The following KAZN variants were observed in gnomAD, a reference collection of about 807,000 sequenced individuals.
The protein encoded by KAZN is kazrin.
Under a neutral mutation model 87.4 loss-of-function variants are expected in KAZN, and 40 were observed. The observed-to-expected ratio is 0.46, with a 90% confidence interval of 0.36 to 0.60. The LOEUF is 0.60. Among genes scored for constraint, KAZN ranks in the 20% least tolerant of loss-of-function variants. The pLI, the probability that KAZN is intolerant of heterozygous loss-of-function variation, is 0.00. For missense variants in KAZN, 898 were observed against 1,073.9 expected (o/e 0.84, Z 2.29); for synonymous variants, 466 against 458.3 (o/e 1.02, Z -0.22).
intron 2 of KAZN, among the ~76,000 whole-genome samples, chr1:14,490,426 G>T (rs1466042974): frequency 1.3e-5 from 2 of 152,136 alleles, no homozygotes; most frequent in Non-Finnish European, 2.9e-5. Context: ...GAAAGTCTTT[G>T]TATAGCCTGA....
chr1:14,839,043 G>A (rs1395425584), intron 1 of KAZN, among the ~76,000 whole-genome samples: 1 of 152,142 alleles, frequency 6.6e-6, no homozygotes, highest in Non-Finnish European at 1.5e-5. Flanking sequence ...AGAATTCCAG[G>A]CTTTAGCACA....
At chr1:14,963,394 G>A (rs1293204982) in intron 2 of KAZN, among the ~76,000 whole-genome samples, 1 of 152,284 alleles carries the variant, frequency 6.6e-6, no homozygotes, top group East Asian at 1.9e-4. Context: ...ACTTGACCAG[G>A]GTGGCAGAGC....
At chr1:14,200,068 C>A (rs1373595236) in intron 2 of KAZN, among the ~76,000 whole-genome samples, 3 of 152,056 alleles carry the variant, frequency 2.0e-5, no homozygotes, top group African/African-American at 7.2e-5. Context: ...TTCTTTGATG[C>A]ATGCATATCC....
At chr1:14,548,468 C>T (rs7543183) in intron 2 of KAZN, among the ~76,000 whole-genome samples, 1 of 152,152 alleles carries the variant, frequency 6.6e-6, no homozygotes, top group African/African-American at 2.4e-5. Context: ...AAAAGTGCTG[C>T]GATTACAGGC....
At chr1:14,653,082 G>A (rs1235363460) in intron 1 of KAZN, among the ~76,000 whole-genome samples, 1 of 152,198 alleles carries the variant, frequency 6.6e-6, no homozygotes, top group Non-Finnish European at 1.5e-5. Flanking sequence ...CAGATAAACA[G>A]GGAGATTGTG....
At chr1:14,604,037 T>C (rs925123524) in intron 1 of KAZN, among the ~76,000 whole-genome samples, 1 of 152,196 alleles carries the variant, frequency 6.6e-6, no homozygotes, top group Non-Finnish European at 1.5e-5. Flanking sequence ...CATACCTTAA[T>C]GGTTTGCCTG....
At chr1:13,996,345 C>T (rs1184550587) in intron 1 of KAZN, among the ~76,000 whole-genome samples, 1 of 152,122 alleles carries the variant, frequency 6.6e-6, no homozygotes, top group Non-Finnish European at 1.5e-5. Flanking sequence ...GGGCAACCAG[C>T]ACCATAACTG....
intron 2 of KAZN, among the ~76,000 whole-genome samples, chr1:14,370,825 C>T (rs1010073189): frequency 2.6e-5 from 4 of 152,180 alleles, no homozygotes; most frequent in East Asian, 3.9e-4. Flanking sequence ...GTTGGGACTA[C>T]GGGCATGTGC....
rs367652500 is a variant in KAZN, at chr1:14,385,102, G to A, written c.249+204510G>A. Among the ~76,000 whole-genome samples the A allele has an allele frequency of 7.6e-3, 1,159 of 151,964 alleles. 17 individuals carry two copies. Among genetic ancestry groups the A allele is most frequent in the African/African-American group, 0.025 (1,024 of 41,426 alleles). The stretch of plus-strand genomic sequence containing the variant: ...CTTCTAGATTTTCTAGTTTATTTGC[G>A]TAGAGGTGTTTGTAGTATTCTCTGA... On this transcript the variant is annotated intron_variant, in intron 2 of 16. Coordinates refer to the KAZN transcript ENST00000636203.
At chr1:14,876,319 C>T (rs781506428) in intron 1 of KAZN, among the ~76,000 whole-genome samples, 1 of 152,206 alleles carries the variant, frequency 6.6e-6, no homozygotes, top group Non-Finnish European at 1.5e-5. Flanking sequence ...CAGCCAGCAG[C>T]CAGAATGACA....
chr1:14,763,139 T>A (rs552821385), intron 1 of KAZN, among the ~76,000 whole-genome samples: 17 of 152,306 alleles, frequency 1.1e-4, no homozygotes, highest in Non-Finnish European at 2.2e-4. Flanking sequence ...AATAAAGTAG[T>A]CATGCCAGTA....
chr1:14,723,917 T>C (rs1482091485), intron 1 of KAZN, among the ~76,000 whole-genome samples: 1 of 152,178 alleles, frequency 6.6e-6, no homozygotes, highest in Non-Finnish European at 1.5e-5. Flanking sequence ...CCTGCCCTCA[T>C]GAAGTTTCTG....
intron 2 of KAZN, among the ~76,000 whole-genome samples, chr1:14,516,320 A>T (rs74057804): frequency 0.06 from 9,065 of 152,202 alleles, 480 homozygotes; most frequent in African/African-American, 0.13. Flanking sequence ...TGGTGGTAAG[A>T]TGATCAACAG....
At chr1:15,064,834 GGC>G (rs1398162315) in intron 7 of KAZN, among the ~76,000 whole-genome samples, 7 of 152,160 alleles carry the variant, frequency 4.6e-5, no homozygotes, top group African/African-American at 1.7e-4. Flanking sequence ...TCCTCCCTGT[GGC>G]CTCGCATCGT....
At chr1:14,386,772 G>T (rs1337870452) in intron 2 of KAZN, among the ~76,000 whole-genome samples, 1 of 151,960 alleles carries the variant, frequency 6.6e-6, no homozygotes, top group African/African-American at 2.4e-5. Context: ...CAACTTCGGT[G>T]AATCTGACAA....
At position 15,101,632 on chromosome 1, in the gene KAZN, A is replaced by ACCTGG; in HGVS notation, c.1637_1638insCCTGG (p.Gln546HisfsTer12). On this transcript the variant is annotated frameshift_variant, in exon 11 of 15. Transcript: ENST00000376030. LOFTEE classifies it high-confidence loss of function. ...CTGTCCCAGTACTCCCAGGCCTTTCAGAACCACCTGGTTGATGGGCGGATG... is the reference window on the plus strand; with the variant it reads ...CTGTCCCAGTACTCCCAGGCCTTTCACCTGGGAACCACCTGGTTGATGGGCGGATG... The ACCTGG allele has an allele frequency of 6.4e-7, 1 of 1,565,900 alleles. No homozygotes were observed.
chr1:15,083,926 C>T (rs1640127725), intron 8 of KAZN, among the ~76,000 whole-genome samples: 1 of 152,196 alleles, frequency 6.6e-6, no homozygotes, highest in African/African-American at 2.4e-5. Context: ...GCGGGGAATT[C>T]AGGGTTGAAG....
At chr1:14,145,824 A>G (rs1645337025) in intron 1 of KAZN, among the ~76,000 whole-genome samples, 1 of 152,174 alleles carries the variant, frequency 6.6e-6, no homozygotes, top group Non-Finnish European at 1.5e-5. Context: ...CAGATGATCC[A>G]CTTGCCTTGG....
At chr1:14,367,923 T>G (rs983382406) in intron 2 of KAZN, among the ~76,000 whole-genome samples, 2 of 152,148 alleles carry the variant, frequency 1.3e-5, no homozygotes, top group African/African-American at 4.8e-5. Context: ...CCCCTTTATA[T>G]CTTTCAAAAT....
Sources: allele counts gnomAD v4.1 joint callset (sites outside exome capture counted in the v4.1 genomes callset), GRCh38; gene constraint gnomAD v4.1.1; transcripts MANE v1.5; gene names NCBI Gene and HGNC (gene_info 2026-07-23, HGNC 2026-07-21).